The following ZNF44 variants were observed in gnomAD, a reference collection of about 807,000 sequenced individuals.
ZNF44 encodes gonadotropin inducible transcription repressor-2.
In ZNF44, 9 loss-of-function variants were observed where a neutral mutation model predicts 11.7. The ratio of observed to expected loss-of-function variants is 0.77; its 90% confidence interval spans 0.46 to 1.35. The LOEUF (loss-of-function observed/expected upper bound fraction) is 1.35, where lower values mean the gene tolerates loss of function less well. Among genes scored for constraint, ZNF44 ranks in the 40% most tolerant of loss-of-function variants. ZNF44 has a pLI of 0.00. For synonymous variants in ZNF44, 224 were observed against 242.7 expected, an observed-to-expected ratio of 0.92 and a Z score of 0.72; for missense variants, 696 against 743.1, an observed-to-expected ratio of 0.94 and a Z score of 0.74.
At chr19:12,249,656 G>A (rs1160886108) in intron 7 of ZNF44, among the ~76,000 whole-genome samples, 4 of 152,110 alleles carry the variant, frequency 2.6e-5, no homozygotes, top group Middle Eastern at 3.4e-3. Context: ...GGGTTAAAGC[G>A]ATTCTCCTGC....
intron 1 of ZNF44, 93 bp from the exon 2 acceptor site, chr19:12,276,175 T>C: frequency 6.6e-7 from 1 of 1,522,638 alleles, no homozygotes; most frequent in African/African-American, 1.4e-5. Flanking sequence ...GATGCTGTGG[T>C]TTCCAAGCAT....
chr19:12,231,770 G>T (rs1473451659), intron 2 of ZNF44, among the ~76,000 whole-genome samples: 1 of 152,202 alleles, frequency 6.6e-6, no homozygotes, highest in Non-Finnish European at 1.5e-5. Context: ...AGAAAGGAGA[G>T]AAAACATATT....
chr19:12,253,360 T>C (rs932083323), intron 5 of ZNF44, among the ~76,000 whole-genome samples: 5 of 151,806 alleles, frequency 3.3e-5, no homozygotes, highest in Non-Finnish European at 7.4e-5. Context: ...TGGCTAATTT[T>C]TGTATTTTTA....
intron 1 of ZNF44, among the ~76,000 whole-genome samples, chr19:12,286,254 G>C (rs1193248906): frequency 3.3e-5 from 5 of 152,058 alleles, no homozygotes; most frequent in Non-Finnish European, 7.4e-5. Flanking sequence ...TTACATTTTA[G>C]TGATATCTTT....
intron 1 of ZNF44, chr19:12,293,083 T>TG: frequency 1.3e-6 from 1 of 784,508 alleles, no homozygotes; most frequent in South Asian, 2.1e-5. Context: ...TTGGCCAGGG[T>TG]GGTCTTGAAC....
Position 12,272,631 on chromosome 19 carries a change from A to G in ZNF44, c.1624T>C (p.Phe542Leu), listed in dbSNP as rs764528845. The change falls in exon 4 of 4, where the codon TTT (phenylalanine) becomes CTT (leucine). Residue 542 changes from phenylalanine (F) to leucine (L), a missense_variant. Phe to Leu is a conservative substitution (Grantham distance 22). Transcript: ENST00000355684. ...TGTCTTAGAAGGAAAGAGGGCCAAA[A>G]GAATGCTTTCCTGCATTGCTTACAT... is the stretch of plus-strand genomic sequence containing the variant. ...YECKQCRKAF[F>L]WPSFLLRHER... The G allele has an allele frequency of 6.2e-7, 1 of 1,612,440 alleles. No individual in the cohort carries two copies. Among genetic ancestry groups the G allele is most frequent in the East Asian group, 2.2e-5 (1 of 44,734 alleles).
At chr19:12,264,315 A>T (rs73004257) in intron 5 of ZNF44, among the ~76,000 whole-genome samples, 6 of 152,052 alleles carry the variant, frequency 3.9e-5, no homozygotes, top group Non-Finnish European at 8.8e-5. Flanking sequence ...GGACACCTGC[A>T]GGGGAAGCAC....
downstream of ZNF44, chr19:12,244,481 A>C (rs1048770163): frequency 2.6e-5 from 4 of 152,524 alleles, no homozygotes; most frequent in Non-Finnish European, 5.9e-5. Context: ...AACAGTGTCC[A>C]TTATACCACA....
chr19:12,238,018 G>C (rs1342330443), upstream of ZNF44: 1 of 152,266 alleles, frequency 6.6e-6, no homozygotes, highest in African/African-American at 2.4e-5. Context: ...GAACAGGAGG[G>C]AGAGCCCAGA....
chr19:12,247,931 T>A (rs777381100), exon 8 of ZNF44: 266 of 1,348,628 alleles, frequency 2.0e-4, no homozygotes, highest in Non-Finnish European at 2.3e-4. Context: ...CTTTCCCACA[T>A]TCCTTGCATT....
At chr19:12,251,035 G>C (rs1012069331) in intron 5 of ZNF44, among the ~76,000 whole-genome samples, 1 of 151,926 alleles carries the variant, frequency 6.6e-6, no homozygotes, top group African/African-American at 2.4e-5. Context: ...AGACCAGCCT[G>C]GGCAACATGG....
intron 5 of ZNF44, among the ~76,000 whole-genome samples, chr19:12,257,844 G>A (rs951882629): frequency 1.3e-5 from 2 of 149,346 alleles, no homozygotes; most frequent in Non-Finnish European, 3.0e-5. Flanking sequence ...TGTGGTGCAC[G>A]CCTGTAATCC....
At chr19:12,264,741 G>T (rs537560911) in intron 5 of ZNF44, among the ~76,000 whole-genome samples, 8 of 152,110 alleles carry the variant, frequency 5.3e-5, no homozygotes, top group Non-Finnish European at 1.2e-4. Flanking sequence ...TGTCACCCAG[G>T]TTGGAGTGCA....
chr19:12,293,243 G>T, intron 1 of ZNF44: 1 of 1,536,516 alleles, frequency 6.5e-7, no homozygotes. Context: ...TGATCCTTTG[G>T]GAGGCCCCAC....
chr19:12,285,204 ATAAAG>A (rs1261475742), intron 1 of ZNF44: 11 of 456,794 alleles, frequency 2.4e-5, no homozygotes, highest in Admixed American at 1.5e-4. Context: ...TACAAGAAAA[ATAAAG>A]TAAATTAAGC....
intron 1 of ZNF44, among the ~76,000 whole-genome samples, chr19:12,280,686 G>T (rs765867040): frequency 7.2e-5 from 11 of 151,918 alleles, no homozygotes; most frequent in Admixed American, 3.9e-4. Flanking sequence ...AAAAAACAAG[G>T]CCCCAAACTA....
chr19:12,263,027 T>C lies in ZNF44; in HGVS notation c.1912+9460A>G, dbSNP rs530851432. Among the ~76,000 whole-genome samples, 4 of 152,206 alleles carry C rather than the reference T, an allele frequency of 2.6e-5. No homozygotes were observed. In the South Asian group the frequency reaches 8.3e-4, roughly 32 times the overall value. On this transcript the variant is annotated intron_variant and NMD_transcript_variant, in intron 5 of 7. Transcript: ENST00000393337. The stretch of plus-strand genomic sequence containing the variant: ...CATTAAGGTGTAACACCTAGAGTAG[T>C]TCAGTCCCAGATTCAGTTTAAGGTT...
At chr19:12,264,833 C>T (rs1917661805) in intron 5 of ZNF44, among the ~76,000 whole-genome samples, 1 of 152,068 alleles carries the variant, frequency 6.6e-6, no homozygotes, top group Non-Finnish European at 1.5e-5. Context: ...ATAGGTGGGA[C>T]CACAGGCACG....
At chr19:12,284,479 A>G (rs2145754207) in intron 1 of ZNF44, 2 of 657,152 alleles carry the variant, frequency 3.0e-6, no homozygotes, top group Non-Finnish European at 5.6e-6. Flanking sequence ...GCCGAGGATA[A>G]GAAGTGGATG....
Sources: gnomAD v4.1 joint callset for allele counts (sites outside exome capture counted in the v4.1 genomes callset) on GRCh38, gnomAD v4.1.1 for gene constraint, MANE v1.5 for transcripts, NCBI Gene and HGNC (gene_info 2026-07-23, HGNC 2026-07-21) for gene names.